The following PDGFRB variants were observed in gnomAD, a reference collection of about 807,000 sequenced individuals.
PDGFRB encodes platelet derived growth factor receptor beta.
Under a neutral mutation model 120.2 loss-of-function variants are expected in PDGFRB, and 42 were observed. The ratio of observed to expected loss-of-function variants is 0.35; its 90% CI spans 0.27 to 0.45. The LOEUF is 0.45. Among genes scored for constraint, PDGFRB ranks in the 20% least tolerant of loss-of-function variants. PDGFRB has a pLI of 1.00. For missense variants in PDGFRB, 1,149 were observed against 1,476.3 expected (o/e 0.78, Z 3.63); for synonymous variants, 586 against 606.8 (o/e 0.97, Z 0.50).
At chr5:150,148,597 G>C (rs1760987801) in intron 1 of PDGFRB, among the ~76,000 whole-genome samples, 1 of 152,260 alleles carries the variant, frequency 6.6e-6, no homozygotes, top group Non-Finnish European at 1.5e-5. Context: ...CCAGCTGGAA[G>C]CCACTTATTC....
At chr5:150,148,765 C>G (rs577135794) in intron 1 of PDGFRB, among the ~76,000 whole-genome samples, 2 of 152,240 alleles carry the variant, frequency 1.3e-5, no homozygotes, top group Admixed American at 1.3e-4. Flanking sequence ...TGACTAACAA[C>G]AGTATATGAT....
At position 150,155,792 on chromosome 5, in the gene PDGFRB, G is replaced by A. The variant is rs752650657; in HGVS notation, c.-402C>T. The stretch of plus-strand genomic sequence containing the variant: ...TTGATCTCCTCTCTGGCTCCAAGTT[G>A]CTCACAGAGCGATCCTGGGTCCCAG... On this transcript the variant is annotated 5_prime_UTR_variant, in exon 1 of 23. Coordinates refer to ENST00000261799, the MANE Select transcript of PDGFRB (RefSeq NM_002609.4). 2.5e-6 allele frequency: 1 copy of A among 398,052 alleles called. No homozygotes were observed. Among genetic ancestry groups the A allele is most frequent in the Non-Finnish European group, 4.4e-6 (1 of 225,946 alleles). The allele number at this position is 398,052 out of a possible 1,614,324, so 24.7% of individuals were successfully genotyped here.
In PDGFRB at chr5:150,135,592, C is replaced by G; in HGVS notation, c.327G>C (p.Glu109Asp). The G allele has an allele frequency of 1.9e-6, 3 of 1,613,132 alleles. No homozygotes were observed. The highest frequency in any genetic ancestry group is 2.5e-6 in the Non-Finnish European group (3 of 1,179,432). The change falls in exon 3 of 23, where the codon GAG becomes GAC. Residue 109 changes from glutamate to aspartate, a missense_variant. Glu to Asp is a conservative substitution (Grantham distance 45, BLOSUM62 2). This residue lies in a region of PDGFRB where 879 missense variants were observed against 1,108.6 expected (regional missense o/e 0.79). Coordinates refer to ENST00000261799, the MANE Select transcript of PDGFRB (RefSeq NM_002609.4). ...TGTAGAGCCGTTTCCGCTCATCGGT[C>G]TCCAGTCCACGGGAGTCATTGTGGG... ...FCTHNDSRGLETDERKRLYIF... is the reference protein window; with the variant it reads ...FCTHNDSRGLDTDERKRLYIF...
At chr5:150,118,443 G>A (rs1760032753) in intron 21 of PDGFRB, among the ~76,000 whole-genome samples, 2 of 152,154 alleles carry the variant, frequency 1.3e-5, no homozygotes, top group South Asian at 2.1e-4. Flanking sequence ...TTCTGAAGGA[G>A]CCCCACGGTT....
intron 10 of PDGFRB, among the ~76,000 whole-genome samples, chr5:150,128,017 C>T (rs1307888837): frequency 6.6e-6 from 1 of 152,068 alleles, no homozygotes; most frequent in Non-Finnish European, 1.5e-5. Flanking sequence ...CCTCGCCATG[C>T]CTTCCTCCTC....
Position 150,131,932 on chromosome 5 carries a change from G to C in PDGFRB, c.1243+47C>G, listed in dbSNP as rs1050371779. ...GTGCAGGAAGGGAGAGGGAACGGGG[G>C]CAGGGAGGGGAAGGAGCAGGGACAT... On this transcript the variant is annotated intron_variant, in intron 8 of 22. Coordinates refer to ENST00000261799, the MANE Select transcript of PDGFRB (RefSeq NM_002609.4). 1.2e-5 allele frequency: 12 copies of C among 984,306 alleles called. No homozygotes were observed. In the African/African-American group the frequency reaches 1.7e-4, roughly 14 times the overall value. The allele number at this position is 984,306 out of a possible 1,614,324, so 61.0% of individuals were successfully genotyped here.
chr5:150,121,147 G>A lies in PDGFRB; in HGVS notation c.2463+57C>T, dbSNP rs1760118736. The A allele has an allele frequency of 6.0e-6, 8 of 1,341,250 alleles. No homozygotes were observed. The highest frequency in any genetic ancestry group is 1.2e-5 in the South Asian group (1 of 85,562). The allele number at this position is 1,341,250 out of a possible 1,614,324, so 83.1% of individuals were successfully genotyped here. On this transcript the variant is annotated intron_variant, in intron 17 of 22. Transcript: ENST00000261799. This position sits in a 1 kb window ranked among gnomAD's most constrained non-coding sequence, Gnocchi z 4.1. The stretch of plus-strand genomic sequence containing the variant: ...GGTGTGCTCTTGGAGGATGCTGGCT[G>A]GCTGGGTGACCCACCTCCCCACAGC...
Position 150,119,471 on chromosome 5 carries a change from C to T in PDGFRB, c.2794G>A (p.Glu932Lys), listed in dbSNP as rs921756253. 2.5e-5 allele frequency: 39 copies of T among 1,571,116 alleles called. No individual in the cohort carries two copies. Among genetic ancestry groups the T allele is most frequent in the Non-Finnish European group, 3.1e-5 (35 of 1,140,846 alleles). Residue 932 changes from glutamate (E) to lysine (K), a missense_variant, in exon 20 of 23, where the codon GAG becomes AAG. Glu to Lys is a moderately conservative substitution (Grantham distance 56). Around this residue, in one of 3 missense-constraint regions of PDGFRB, gnomAD observed 68 missense variants for 153.3 expected, o/e 0.44. Transcript: ENST00000261799. Reference protein sequence around the residue: ...RMAQPAHASDEIYEIMQKCWE... With the variant: ...RMAQPAHASDKIYEIMQKCWE... ...AATGCATGAGACTCCACTCACATCT[C>T]GTCGGAGGCATGGGCAGGCTGGGCC...
intron 2 of PDGFRB, among the ~76,000 whole-genome samples, chr5:150,136,718 T>C (rs562295695): frequency 3.3e-5 from 5 of 151,874 alleles, no homozygotes; most frequent in Non-Finnish European, 7.4e-5. Context: ...AGACCGAGGA[T>C]AGGAGGCCAG....
intron 10 of PDGFRB, 23 bp from the exon 11 acceptor site, chr5:150,126,637 G>A (rs746927214): frequency 1.2e-5 from 16 of 1,358,204 alleles, no homozygotes; most frequent in Admixed American, 1.7e-5. Context: ...ATGAGAGCAG[G>A]CCATGAGCAA....
At chr5:150,134,279 G>T (rs1461554042) in intron 4 of PDGFRB, among the ~76,000 whole-genome samples, 1 of 152,208 alleles carries the variant, frequency 6.6e-6, no homozygotes, top group Non-Finnish European at 1.5e-5. Flanking sequence ...ACCCTCTGGA[G>T]ATCTATGTAC....
chr5:150,144,477 GAA>G (rs1760866004), intron 1 of PDGFRB, among the ~76,000 whole-genome samples: 1 of 152,272 alleles, frequency 6.6e-6, no homozygotes, highest in Non-Finnish European at 1.5e-5. Context: ...ACAATGGAAA[GAA>G]ATGACCTATT....
At chr5:150,128,821 C>G (rs2113901248) in intron 10 of PDGFRB, among the ~76,000 whole-genome samples, 1 of 152,372 alleles carries the variant, frequency 6.6e-6, no homozygotes, top group Admixed American at 6.5e-5. Context: ...TGTCTGCCTT[C>G]TCTCTCTGGA....
intron 1 of PDGFRB, among the ~76,000 whole-genome samples, chr5:150,142,258 C>A (rs1420553076): frequency 6.6e-6 from 1 of 152,194 alleles, no homozygotes; most frequent in Non-Finnish European, 1.5e-5. Context: ...CCTGGCTGCG[C>A]AGCTCCCCGC....
Position 150,121,411 on chromosome 5 carries a change from T to C in PDGFRB, c.2345-89A>G. On this transcript the variant is annotated intron_variant, in intron 16 of 22. Transcript: ENST00000261799. This position sits in a 1 kb window ranked among gnomAD's most constrained non-coding sequence, Gnocchi z 4.1. Reference sequence around the variant, plus strand: ...CCTTTGGCTCCTGGGAGACTGAATGTCCAAGACAGGTGGCTACTGATCGTC... The same window carrying C: ...CCTTTGGCTCCTGGGAGACTGAATGCCCAAGACAGGTGGCTACTGATCGTC... 1 of 768,436 alleles carries C rather than the reference T, an allele frequency of 1.3e-6. No homozygotes were observed. The highest frequency in any genetic ancestry group is 2.4e-5 in the East Asian group (1 of 40,888). 47.6% of individuals were successfully genotyped at this position (768,436 alleles called of 1,614,324 possible). A position where few individuals can be genotyped will look rare whatever the true frequency, so the allele number is the denominator to read the frequency against.
Position 150,119,378 on chromosome 5 carries a change from A to C in PDGFRB, c.2798+89T>G, listed in dbSNP as rs912019578. 1.8e-5 allele frequency: 14 copies of C among 789,634 alleles called. 1 individual carries two copies. The highest frequency in any genetic ancestry group is 1.6e-4 in the Admixed American group (9 of 55,136). The allele number at this position is 789,634 out of a possible 1,614,324, so 48.9% of individuals were successfully genotyped here. On this transcript the variant is annotated intron_variant, in intron 20 of 22. Coordinates refer to ENST00000261799, the MANE Select transcript of PDGFRB (RefSeq NM_002609.4). Reference sequence around the variant, plus strand: ...AGGCTTTCTAGATCTCTGAGCTAACAAATCTCTCATCTTTGGTTTAAGCCA... The same window carrying C: ...AGGCTTTCTAGATCTCTGAGCTAACCAATCTCTCATCTTTGGTTTAAGCCA...
In PDGFRB at chr5:150,114,362, T is replaced by C. The variant is rs911044851; in HGVS notation, c.*1401A>G. ...GAAGCTTCTTGTCTTTTACAAGACA[T>C]AACTGTCCTCACTGTCCATTCTGTC... On this transcript the variant is annotated 3_prime_UTR_variant, in exon 23 of 23. Transcript: ENST00000261799. 1.3e-5 allele frequency: 3 copies of C among 233,114 alleles called. No individual in the cohort carries two copies. Among genetic ancestry groups the C allele is most frequent in the East Asian group, 6.0e-5 (1 of 16,590 alleles). The allele number at this position is 233,114 out of a possible 1,614,324, so 14.4% of individuals were successfully genotyped here.
In PDGFRB at chr5:150,114,742, G is replaced by A. The variant is rs1759871281; in HGVS notation, c.*1021C>T. Reference sequence around the variant, plus strand: ...GGCCTTGCTTCATCTGGACAAATGTGCAACCACCTGGAATACTCTAGAATG... The same window carrying A: ...GGCCTTGCTTCATCTGGACAAATGTACAACCACCTGGAATACTCTAGAATG... On this transcript the variant is annotated 3_prime_UTR_variant, in exon 23 of 23. Transcript: ENST00000261799. The A allele has an allele frequency of 4.3e-6, 1 of 233,572 alleles. No individual in the cohort carries two copies. Among genetic ancestry groups the A allele is most frequent in the East Asian group, 6.0e-5 (1 of 16,582 alleles). The allele number at this position is 233,572 out of a possible 1,614,324, so 14.5% of individuals were successfully genotyped here.
intron 1 of PDGFRB, among the ~76,000 whole-genome samples, chr5:150,140,785 T>G (rs1278467211): frequency 1.3e-5 from 2 of 151,264 alleles, no homozygotes; most frequent in African/African-American, 4.9e-5. Context: ...GGGAGAGGAG[T>G]GGGTGCCCCA....
Sources: allele counts gnomAD v4.1 joint callset (sites outside exome capture counted in the v4.1 genomes callset), GRCh38; gene constraint gnomAD v4.1.1; regional missense constraint gnomAD v4.1.1; non-coding constraint Gnocchi (gnomAD v3.1); transcripts MANE v1.5; gene names NCBI Gene and HGNC (gene_info 2026-07-23, HGNC 2026-07-21).